Variants in PLCB1 observed in about 807,000 individuals in gnomAD.
PLCB1 encodes the protein phospholipase C beta 1, also known as 1-phosphatidylinositol 4,5-bisphosphate phosphodiesterase beta-1.
A neutral mutation model predicts 161.8 loss-of-function variants in PLCB1; 46 were observed. The ratio of observed to expected loss-of-function variants is 0.28; its 90% CI spans 0.22 to 0.36. The LOEUF (loss-of-function observed/expected upper bound fraction) is 0.36. Ranked by LOEUF, PLCB1 falls within the 10% of genes least tolerant of loss-of-function variation. The probability of loss-of-function intolerance (pLI) is 1.00; values close to 1 mark genes in which losing one functional copy is unlikely to be tolerated. For synonymous variants in PLCB1, 517 were observed against 503.7 expected, an observed-to-expected ratio of 1.03 and a Z score of -0.35; for missense variants, 1,016 against 1,472.5, an observed-to-expected ratio of 0.69 and a Z score of 5.07.
chr20:8,331,835 T>A (rs1985376457), intron 2 of PLCB1, among the ~76,000 whole-genome samples: 1 of 152,214 alleles, frequency 6.6e-6, no homozygotes, highest in Admixed American at 6.5e-5. Flanking sequence ...TGTGTTTGCT[T>A]CATATGGCTT....
chr20:8,588,731 C>T (rs1016655825), intron 3 of PLCB1, among the ~76,000 whole-genome samples: 2 of 152,124 alleles, frequency 1.3e-5, no homozygotes, highest in African/African-American at 4.8e-5. Context: ...CTTCCAGCCT[C>T]CAAAACTGAA....
chr20:8,697,001 G>A (rs974143873), intron 10 of PLCB1, among the ~76,000 whole-genome samples: 7 of 152,162 alleles, frequency 4.6e-5, no homozygotes, highest in Admixed American at 4.6e-4. Context: ...CCAAAATGCT[G>A]GGATTATAGG....
At chr20:8,773,627 T>C (rs1018005543) in intron 26 of PLCB1, among the ~76,000 whole-genome samples, 1 of 152,184 alleles carries the variant, frequency 6.6e-6, no homozygotes. Context: ...ATCAGTGAAG[T>C]TGGTGAAGCC....
At chr20:8,420,549 C>T (rs1979496989) in intron 3 of PLCB1, among the ~76,000 whole-genome samples, 1 of 152,026 alleles carries the variant, frequency 6.6e-6, no homozygotes, top group African/African-American at 2.4e-5. Flanking sequence ...TTTTGGAATC[C>T]CCAGTATTTA....
intron 4 of PLCB1, among the ~76,000 whole-genome samples, chr20:8,635,360 C>T (rs898089454): frequency 2.0e-5 from 3 of 152,224 alleles, no homozygotes; most frequent in Non-Finnish European, 2.9e-5. Flanking sequence ...TGATAGGTCA[C>T]GTACAATCTT....
At chr20:8,719,014 A>G (rs145420077) in intron 14 of PLCB1, among the ~76,000 whole-genome samples, 1 of 152,232 alleles carries the variant, frequency 6.6e-6, no homozygotes, top group African/African-American at 2.4e-5. Flanking sequence ...TAAGGGTGAA[A>G]TAGATTGCTG....
At chr20:8,201,327 T>A (rs1007562311) in intron 2 of PLCB1, among the ~76,000 whole-genome samples, 3 of 152,116 alleles carry the variant, frequency 2.0e-5, no homozygotes, top group African/African-American at 7.2e-5. Context: ...TGGGTTTTTT[T>A]AACCTTTAAA....
chr20:8,870,168 A>G (rs928110602), intron 31 of PLCB1, among the ~76,000 whole-genome samples: 4 of 152,340 alleles, frequency 2.6e-5, no homozygotes, highest in African/African-American at 7.2e-5. Flanking sequence ...AATCCAGTCA[A>G]TCTACCACAG....
chr20:8,797,661 A>G (rs928817182), intron 31 of PLCB1, among the ~76,000 whole-genome samples: 3 of 152,148 alleles, frequency 2.0e-5, no homozygotes, highest in Non-Finnish European at 2.9e-5. Flanking sequence ...TATAATCTGT[A>G]TGTCTTAGCT....
chr20:8,221,633 C>T (rs1432125010), intron 2 of PLCB1, among the ~76,000 whole-genome samples: 1 of 152,144 alleles, frequency 6.6e-6, no homozygotes, highest in Non-Finnish European at 1.5e-5. Flanking sequence ...ACTGTCCTCT[C>T]TGAGCTCAGG....
intron 31 of PLCB1, chr20:8,802,060 A>C (rs763782550): frequency 1.3e-6 from 2 of 1,585,706 alleles, no homozygotes; most frequent in African/African-American, 2.7e-5. Flanking sequence ...ACACAGGGGG[A>C]AGGTTCCTCC....
intron 3 of PLCB1, among the ~76,000 whole-genome samples, chr20:8,378,064 A>C (rs1219253218): frequency 2.0e-5 from 3 of 152,230 alleles, no homozygotes; most frequent in African/African-American, 7.2e-5. Flanking sequence ...GTATATACGT[A>C]AAAGAATAGA....
intron 9 of PLCB1, among the ~76,000 whole-genome samples, chr20:8,680,208 C>T (rs771620674): frequency 6.6e-6 from 1 of 152,120 alleles, no homozygotes; most frequent in Non-Finnish European, 1.5e-5. Context: ...TTTTCACAAA[C>T]AGTGCAAGTT....
At chr20:8,260,976 T>A (rs1298505462) in intron 2 of PLCB1, among the ~76,000 whole-genome samples, 4 of 152,094 alleles carry the variant, frequency 2.6e-5, no homozygotes, top group Admixed American at 6.6e-5. Flanking sequence ...TGCAGAGGTA[T>A]AAAAGAAAGC....
chr20:8,876,275 G>A (rs1478889896), intron 31 of PLCB1, among the ~76,000 whole-genome samples: 1 of 152,034 alleles, frequency 6.6e-6, no homozygotes, highest in African/African-American at 2.4e-5. Context: ...ATTCAATCAT[G>A]TTCTTTCGTC....
In PLCB1 at chr20:8,839,544, G is replaced by A. The variant is rs186637723; in HGVS notation, c.3424-42078G>A. Among the ~76,000 whole-genome samples the A allele has an allele frequency of 7.9e-5, 12 of 152,242 alleles. No individual in the cohort carries two copies. The East Asian group carries it at 2.3e-3, about 29-fold the overall frequency. ...TGTCATGTCCCAATAAAGCTTGGAAGTAGATCTTAACACCATTGCCATCAC... is the reference window on the plus strand; with the variant it reads ...TGTCATGTCCCAATAAAGCTTGGAAATAGATCTTAACACCATTGCCATCAC... On this transcript the variant is annotated intron_variant, in intron 31 of 31. Transcript: ENST00000338037.
intron 31 of PLCB1, among the ~76,000 whole-genome samples, chr20:8,836,795 A>G (rs1986304000): frequency 6.6e-6 from 1 of 152,214 alleles, no homozygotes; most frequent in Non-Finnish European, 1.5e-5. Context: ...CGAACAAAGA[A>G]TGAGCTCAGG....
At chr20:8,473,851 A>G (rs1982158023) in intron 3 of PLCB1, among the ~76,000 whole-genome samples, 1 of 152,232 alleles carries the variant, frequency 6.6e-6, no homozygotes, top group Non-Finnish European at 1.5e-5. Context: ...AACCTGATGC[A>G]GAACCTTAAC....
chr20:8,793,009 A>C (rs1320339039), intron 31 of PLCB1, among the ~76,000 whole-genome samples: 1 of 152,246 alleles, frequency 6.6e-6, no homozygotes, highest in Non-Finnish European at 1.5e-5. Context: ...TGGAAAATAC[A>C]GTAACACTGG....
Sources: allele counts gnomAD v4.1 joint callset (sites outside exome capture counted in the v4.1 genomes callset), GRCh38; gene constraint gnomAD v4.1.1; transcripts MANE v1.5; gene names NCBI Gene and HGNC (gene_info 2026-07-23, HGNC 2026-07-21).